Variants in FOXP1 observed in about 807,000 individuals in gnomAD.
FOXP1 encodes the protein forkhead box protein P1.
Under a neutral mutation model 98.2 loss-of-function variants are expected in FOXP1, and 15 were observed. The observed-to-expected ratio is 0.15, with a 90% confidence interval of 0.10 to 0.24. FOXP1 has a LOEUF of 0.24. Ranked by LOEUF, FOXP1 falls within the 10% of genes least tolerant of loss-of-function variation. The pLI, the probability that FOXP1 is intolerant of heterozygous loss-of-function variation, is 1.00. For missense variants in FOXP1, 633 were observed against 848.5 expected (o/e 0.75, Z 3.15); for synonymous variants, 371 against 314.5 (o/e 1.18, Z -1.90).
chr3:70,972,743 A>C, intron 17 of FOXP1, 67 bp from the exon 18 acceptor site: 1 of 1,528,300 alleles, frequency 6.5e-7, no homozygotes, highest in Non-Finnish European at 9.0e-7. Context: ...AACAGCAGTA[A>C]ATTCAGCCTA....
intron 2 of FOXP1, among the ~76,000 whole-genome samples, chr3:71,496,691 C>T (rs2091438297): frequency 6.6e-6 from 1 of 151,960 alleles, no homozygotes; most frequent in South Asian, 2.1e-4. Context: ...ATGGTGACGC[C>T]AGCTACTAGG....
chr3:71,323,060 T>C (rs1317805320), intron 4 of FOXP1, among the ~76,000 whole-genome samples: 1 of 150,940 alleles, frequency 6.6e-6, no homozygotes, highest in Non-Finnish European at 1.5e-5. Context: ...AACCTCCACC[T>C]CCCAAGTTCA....
At chr3:71,022,220 G>A (rs1426016947) in intron 11 of FOXP1, among the ~76,000 whole-genome samples, 2 of 151,828 alleles carry the variant, frequency 1.3e-5, no homozygotes, top group Non-Finnish European at 2.9e-5. Context: ...CCCAATGAAT[G>A]GTTTGATAAA....
At chr3:71,509,490 A>G (rs1350130331) in intron 2 of FOXP1, among the ~76,000 whole-genome samples, 3 of 152,230 alleles carry the variant, frequency 2.0e-5, no homozygotes, top group East Asian at 3.9e-4. Context: ...TAAAGTCCCT[A>G]TCTCCAAATA....
chr3:71,524,947 C>T (rs778361610), intron 2 of FOXP1, among the ~76,000 whole-genome samples: 1 of 152,158 alleles, frequency 6.6e-6, no homozygotes, highest in Non-Finnish European at 1.5e-5. Context: ...GCTAAGTGGA[C>T]ACTTGATTGA....
intron 5 of FOXP1, among the ~76,000 whole-genome samples, chr3:71,213,672 C>T (rs192875327): frequency 3.2e-3 from 481 of 152,108 alleles, no homozygotes; most frequent in Non-Finnish European, 5.8e-3. Flanking sequence ...AAAAATTAGC[C>T]GGGTGTGCTG....
At chr3:71,496,351 A>C (rs1046064605) in intron 2 of FOXP1, among the ~76,000 whole-genome samples, 4 of 152,144 alleles carry the variant, frequency 2.6e-5, no homozygotes, top group Non-Finnish European at 5.9e-5. Context: ...ATTGGGTGGA[A>C]AACGCATTTC....
At chr3:71,492,531 A>G (rs1288911425) in intron 3 of FOXP1, among the ~76,000 whole-genome samples, 3 of 152,136 alleles carry the variant, frequency 2.0e-5, no homozygotes, top group South Asian at 2.1e-4. Context: ...CCAACTCCCA[A>G]TACAGTGCCC....
At chr3:71,532,251 C>A (rs1458788097) in intron 2 of FOXP1, among the ~76,000 whole-genome samples, 1 of 152,106 alleles carries the variant, frequency 6.6e-6, no homozygotes, top group Non-Finnish European at 1.5e-5. Flanking sequence ...AGATGTGTGC[C>A]ACCACACCCA....
At chr3:71,453,875 C>T (rs992986461) in intron 3 of FOXP1, among the ~76,000 whole-genome samples, 10 of 152,166 alleles carry the variant, frequency 6.6e-5, no homozygotes, top group African/African-American at 2.4e-4. Flanking sequence ...CTCTCCTCAT[C>T]CCTTTTTATG....
chr3:71,448,247 C>A (rs148471700), intron 3 of FOXP1, among the ~76,000 whole-genome samples: 4 of 152,312 alleles, frequency 2.6e-5, no homozygotes, highest in African/African-American at 9.6e-5. Flanking sequence ...TTTCCCCTTA[C>A]ACACACCTCT....
chr3:70,982,650 A>G (rs1051972992), intron 14 of FOXP1, among the ~76,000 whole-genome samples: 2 of 151,378 alleles, frequency 1.3e-5, no homozygotes, highest in Non-Finnish European at 2.9e-5. Flanking sequence ...TTAGCCATCG[A>G]AACTATTCAA....
chr3:71,056,359 A>G (rs1014774719), intron 7 of FOXP1, among the ~76,000 whole-genome samples: 1 of 152,234 alleles, frequency 6.6e-6, no homozygotes. Context: ...AAAGGCTGAC[A>G]TCAAACCAGT....
intron 7 of FOXP1, among the ~76,000 whole-genome samples, chr3:71,106,195 G>A (rs760801381): frequency 1.1e-4 from 17 of 152,316 alleles, no homozygotes; most frequent in Non-Finnish European, 2.5e-4. Flanking sequence ...GTTCAGCACT[G>A]ACTAAACATT....
intron 7 of FOXP1, among the ~76,000 whole-genome samples, chr3:71,068,922 A>G (rs897795953): frequency 2.0e-5 from 3 of 152,228 alleles, no homozygotes; most frequent in African/African-American, 7.2e-5. Context: ...GCAATGCCCC[A>G]TTCCTGAGAT....
chr3:71,372,999 T>C (rs2079451752), intron 3 of FOXP1, among the ~76,000 whole-genome samples: 1 of 152,208 alleles, frequency 6.6e-6, no homozygotes, highest in African/African-American at 2.4e-5. Context: ...TTCTTTTTAA[T>C]GTCACTCACT....
At chr3:71,223,417 C>T (rs76223757) in intron 5 of FOXP1, among the ~76,000 whole-genome samples, 483 of 152,134 alleles carry the variant, frequency 3.2e-3, no homozygotes, top group African/African-American at 0.011. Flanking sequence ...TCATTCTAGC[C>T]GGGTGCGGTG....
chr3:71,240,223 C>T (rs2067134514), intron 5 of FOXP1, among the ~76,000 whole-genome samples: 1 of 152,268 alleles, frequency 6.6e-6, no homozygotes, highest in African/African-American at 2.4e-5. Context: ...GTTACACCCA[C>T]TCAACTCCCA....
intron 15 of FOXP1, 36 bp downstream of exon 15, chr3:70,977,792 T>A: frequency 1.2e-6 from 2 of 1,611,818 alleles, no homozygotes; most frequent in South Asian, 1.1e-5. Context: ...AATTGCAGAT[T>A]ACAACTCTAC....
Sources: allele counts gnomAD v4.1 joint callset (sites outside exome capture counted in the v4.1 genomes callset), GRCh38; gene constraint gnomAD v4.1.1; transcripts MANE v1.5; gene names NCBI Gene and HGNC (gene_info 2026-07-23, HGNC 2026-07-21).